Variants in NUP93 observed in about 807,000 individuals in gnomAD.
NUP93 encodes the protein nucleoporin 93.
A neutral mutation model predicts 107.8 loss-of-function variants in NUP93; 55 were observed. The ratio of observed to expected loss-of-function variants is 0.51; its 90% confidence interval spans 0.41 to 0.64. NUP93 has a LOEUF of 0.64. Ranked by LOEUF, NUP93 falls within the 30% of genes least tolerant of loss-of-function variation. The pLI, the probability that NUP93 is intolerant of heterozygous loss-of-function variation, is 0.00. For synonymous variants in NUP93, 390 were observed against 397.5 expected (o/e 0.98, Z 0.22); for missense variants, 937 against 1,044.7 (o/e 0.90, Z 1.42).
chr16:56,818,828 C>T, intron 6 of NUP93, 90 bp downstream of exon 6: 1 of 1,065,876 alleles, frequency 9.4e-7, no homozygotes, highest in Admixed American at 2.2e-5. Context: ...AAAAGTCAAA[C>T]CCTGAAAGCA....
chr16:56,743,782 G>T (rs1252279229), intron 1 of NUP93, among the ~76,000 whole-genome samples: 1 of 152,094 alleles, frequency 6.6e-6, no homozygotes, highest in East Asian at 1.9e-4. Flanking sequence ...AACCAATCCT[G>T]CCTTCTAACA....
At chr16:56,775,632 C>T (rs943357621) in intron 3 of NUP93, among the ~76,000 whole-genome samples, 7 of 152,194 alleles carry the variant, frequency 4.6e-5, no homozygotes, top group Non-Finnish European at 2.9e-5. Context: ...GTTTTTAAAA[C>T]CATTTGCCTG....
chr16:56,844,595 G>A lies in NUP93; in HGVS notation c.2446G>A (p.Val816Ile), dbSNP rs746758555. ...CAATGCGAGGCTGGTGCAGATGGAG[G>A]TCCTCATGAATTAAGTGCCATGCTT... ...DTNARLVQME[V>I]LMN is the part of the protein sequence containing the mutation. The change falls in exon 22 of 22, where the codon GTC becomes ATC. Residue 816 changes from valine to isoleucine, a missense_variant. By Grantham distance (29) the Val-to-Ile change is conservative (BLOSUM62 3). Coordinates refer to ENST00000308159, the MANE Select transcript of NUP93 (RefSeq NM_014669.5). 3 of 1,591,896 alleles carry A rather than the reference G, an allele frequency of 1.9e-6. No homozygotes were observed. Among genetic ancestry groups the A allele is most frequent in the South Asian group, 1.1e-5 (1 of 87,874 alleles).
chr16:56,794,229 GGAA>G (rs1596807964), intron 3 of NUP93, among the ~76,000 whole-genome samples: 1 of 152,098 alleles, frequency 6.6e-6, no homozygotes, highest in African/African-American at 2.4e-5. Flanking sequence ...ATTTTAGAAA[GGAA>G]GAAAGGATGA....
intron 5 of NUP93, among the ~76,000 whole-genome samples, chr16:56,808,622 A>G (rs1365872911): frequency 7.5e-6 from 1 of 133,804 alleles, no homozygotes; most frequent in Non-Finnish European, 1.5e-5. Context: ...ATATTTATAA[A>G]TATATAAATA....
intron 3 of NUP93, among the ~76,000 whole-genome samples, chr16:56,784,424 A>G (rs1159881278): frequency 3.3e-5 from 5 of 152,208 alleles, no homozygotes; most frequent in Non-Finnish European, 5.9e-5. Flanking sequence ...ACTCTCACTC[A>G]TGGGGATAAT....
At chr16:56,808,178 A>T (rs868728245) in intron 5 of NUP93, among the ~76,000 whole-genome samples, 82 of 125,176 alleles carry the variant, frequency 6.6e-4, no homozygotes, top group South Asian at 3.7e-3. Context: ...TAACTATATA[A>T]AATATATAGT....
At chr16:56,787,315 C>A (rs369762706) in intron 3 of NUP93, among the ~76,000 whole-genome samples, 2 of 152,228 alleles carry the variant, frequency 1.3e-5, no homozygotes, top group African/African-American at 4.8e-5. Flanking sequence ...TGCTGCATAG[C>A]AGGAGGAGCT....
Position 56,834,438 on chromosome 16 carries a change from G to A in NUP93, c.1733G>A (p.Arg578Gln), listed in dbSNP as rs201617246. Residue 578 changes from arginine (R) to glutamine (Q), a missense_variant, in exon 15 of 22, where the codon CGA becomes CAA. Arg to Gln is a conservative substitution (Grantham distance 43). Coordinates refer to ENST00000308159, the MANE Select transcript of NUP93 (RefSeq NM_014669.5). ...GTGAGTGAGCTTGTGATTGAAAGCC[G>A]AGAGGTGAGTGGGTTTCCTTTTCTC... Reference protein sequence around the residue: ...RCVSELVIESREFDMILGKLE... With the variant: ...RCVSELVIESQEFDMILGKLE... The A allele has an allele frequency of 5.1e-5, 83 of 1,614,020 alleles. No homozygotes were observed. Among genetic ancestry groups the A allele is most frequent in the South Asian group, 3.5e-4 (32 of 91,086 alleles).
chr16:56,808,526 A>G (rs1224440337), intron 5 of NUP93, among the ~76,000 whole-genome samples: 1 of 123,094 alleles, frequency 8.1e-6, no homozygotes, highest in Non-Finnish European at 1.6e-5. Flanking sequence ...AACTATATAT[A>G]AATATAGTTA....
intron 2 of NUP93, among the ~76,000 whole-genome samples, chr16:56,750,626 G>A (rs937248160): frequency 3.3e-5 from 5 of 152,082 alleles, no homozygotes; most frequent in African/African-American, 4.8e-5. Flanking sequence ...AATGTAAATC[G>A]GGTTTTACAG....
At position 56,747,431 on chromosome 16, in the gene NUP93, TAGC is replaced by T. The variant is rs527677292; in HGVS notation, c.-14-800_-14-798del. Reference sequence around the variant, plus strand: ...TCTGTACTACTGGCATTTCTAAAAGTAGCAGGTACAGTAACAAATCTAATGTCC... The same window carrying T: ...TCTGTACTACTGGCATTTCTAAAAGTAGGTACAGTAACAAATCTAATGTCC... On this transcript the variant is annotated intron_variant, in intron 1 of 21. Coordinates refer to ENST00000308159, the MANE Select transcript of NUP93 (RefSeq NM_014669.5). 3.7e-4 allele frequency among the ~76,000 whole-genome samples: 57 copies of T among 152,248 alleles called. 1 individual carries two copies. The South Asian group carries it at 0.012, about 31-fold the overall frequency.
chr16:56,820,559 C>T (rs1056534297), intron 6 of NUP93, among the ~76,000 whole-genome samples: 2 of 152,194 alleles, frequency 1.3e-5, no homozygotes, highest in Admixed American at 6.5e-5. Flanking sequence ...TCAGGTGATC[C>T]ACCTGCCTTG....
At chr16:56,741,411 A>G (rs1439611471) in intron 1 of NUP93, among the ~76,000 whole-genome samples, 1 of 152,208 alleles carries the variant, frequency 6.6e-6, no homozygotes, top group Non-Finnish European at 1.5e-5. Flanking sequence ...AGACAGAGAA[A>G]TTGGGGTTTT....
At chr16:56,798,665 C>G in intron 4 of NUP93, 127 bp downstream of exon 4, 1 of 758,144 alleles carries the variant, frequency 1.3e-6, no homozygotes, top group East Asian at 2.7e-5. Context: ...CCCAGGAATT[C>G]AAGATCAGCC....
At position 56,849,412 on chromosome 16, in the gene NUP93, C is replaced by A. The variant is rs1260056942; in HGVS notation, c.*4803C>A. The A allele has an allele frequency of 6.6e-6, 1 of 152,274 alleles. No individual in the cohort carries two copies. Among genetic ancestry groups the A allele is most frequent in the Admixed American group, 6.5e-5 (1 of 15,286 alleles). 9.4% of individuals were successfully genotyped at this position (152,274 alleles called of 1,614,324 possible). The stretch of plus-strand genomic sequence containing the variant: ...ATCTGTACACCTGGCTGCCTTTGCC[C>A]TTGAGCTTCTATTTCTTGGGGATGG... On this transcript the variant is annotated 3_prime_UTR_variant, in exon 22 of 22. Transcript: ENST00000308159.
rs1963759206 is a variant in NUP93, at chr16:56,830,522, T to C, written c.928-6T>C. 1 of 1,567,788 alleles carries C rather than the reference T, an allele frequency of 6.4e-7. No individual in the cohort carries two copies. The highest frequency in any genetic ancestry group is 8.7e-7 in the Non-Finnish European group (1 of 1,147,830). Reference sequence around the variant, plus strand: ...TATTTTGAGCACTTAACTGTTCCTCTTTTAGGATGGAGAGGTGGAAGGCCA... The same window carrying C: ...TATTTTGAGCACTTAACTGTTCCTCCTTTAGGATGGAGAGGTGGAAGGCCA... On this transcript the variant is annotated splice_polypyrimidine_tract_variant and splice_region_variant and intron_variant, in intron 9 of 21. Coordinates refer to ENST00000308159, the MANE Select transcript of NUP93 (RefSeq NM_014669.5).
At chr16:56,733,221 G>A (rs1190906483) in intron 1 of NUP93, among the ~76,000 whole-genome samples, 3 of 152,166 alleles carry the variant, frequency 2.0e-5, no homozygotes, top group Non-Finnish European at 2.9e-5. Flanking sequence ...TCTATGGAGA[G>A]CACCCTTTAT....
At chr16:56,735,599 C>T (rs1363944049) in intron 1 of NUP93, among the ~76,000 whole-genome samples, 1 of 152,182 alleles carries the variant, frequency 6.6e-6, no homozygotes, top group Non-Finnish European at 1.5e-5. Context: ...ATTCCTAGCA[C>T]TTTGGGAGGC....
Sources: allele counts gnomAD v4.1 joint callset (sites outside exome capture counted in the v4.1 genomes callset), GRCh38; gene constraint gnomAD v4.1.1; transcripts MANE v1.5; gene names NCBI Gene and HGNC (gene_info 2026-07-23, HGNC 2026-07-21).